The following MACROD2 variants were observed in gnomAD, a reference collection of about 807,000 sequenced individuals.
The protein encoded by MACROD2 is ADP-ribose glycohydrolase MACROD2.
A neutral mutation model predicts 70.4 loss-of-function variants in MACROD2; 36 were observed. That is an observed-to-expected ratio of 0.51 (90% CI 0.39 to 0.68). The LOEUF (loss-of-function observed/expected upper bound fraction) is 0.68. Ranked by LOEUF, MACROD2 falls within the 30% of genes least tolerant of loss-of-function variation. The pLI is 0.00. For missense variants in MACROD2, 496 were observed against 538.4 expected, an observed-to-expected ratio of 0.92 and a Z score of 0.78; for synonymous variants, 172 against 178.8, an observed-to-expected ratio of 0.96 and a Z score of 0.30.
At chr20:14,866,389 G>A (rs2073428068) in intron 5 of MACROD2, among the ~76,000 whole-genome samples, 1 of 152,114 alleles carries the variant, frequency 6.6e-6, no homozygotes, top group African/African-American at 2.4e-5. Context: ...TCAGTTGGCA[G>A]AGGGTCCAGC....
At chr20:14,156,408 A>G (rs561200375) in intron 3 of MACROD2, among the ~76,000 whole-genome samples, 2 of 152,316 alleles carry the variant, frequency 1.3e-5, no homozygotes, top group Admixed American at 6.5e-5. Flanking sequence ...GCTAGAATTC[A>G]TAACCCACTA....
chr20:14,314,489 G>A (rs6079390), intron 3 of MACROD2, among the ~76,000 whole-genome samples: 58,452 of 152,066 alleles, frequency 0.38, 12,650 homozygotes, highest in Non-Finnish European at 0.49. Flanking sequence ...GGCCGTGGGC[G>A]GTGGCTCACG....
At chr20:14,663,401 T>C (rs1414140489) in intron 4 of MACROD2, among the ~76,000 whole-genome samples, 1 of 151,780 alleles carries the variant, frequency 6.6e-6, no homozygotes, top group East Asian at 1.9e-4. Flanking sequence ...ATCTGGATGA[T>C]GAAATAATCT....
At chr20:14,496,999 C>A (rs1301249818) in intron 4 of MACROD2, among the ~76,000 whole-genome samples, 2 of 151,724 alleles carry the variant, frequency 1.3e-5, no homozygotes, top group Non-Finnish European at 2.9e-5. Flanking sequence ...GAGAAGACAG[C>A]GTTCTTGACT....
chr20:15,702,949 T>A (rs947317479), intron 8 of MACROD2, among the ~76,000 whole-genome samples: 2 of 152,054 alleles, frequency 1.3e-5, no homozygotes, highest in African/African-American at 4.8e-5. Context: ...ACACATAGAC[T>A]AATGGAACAG....
chr20:15,872,988 A>G (rs1011889941), intron 9 of MACROD2, among the ~76,000 whole-genome samples: 1 of 152,224 alleles, frequency 6.6e-6, no homozygotes, highest in Admixed American at 6.5e-5. Context: ...ACTCAAAACC[A>G]TACTATTGAA....
chr20:15,491,542 G>A (rs999087147), intron 7 of MACROD2, among the ~76,000 whole-genome samples: 1 of 152,350 alleles, frequency 6.6e-6, no homozygotes, highest in South Asian at 2.1e-4. Context: ...ATTATCATGG[G>A]ATTTGCCACT....
intron 5 of MACROD2, among the ~76,000 whole-genome samples, chr20:15,095,728 G>T (rs180782759): frequency 2.0e-5 from 3 of 149,632 alleles, no homozygotes; most frequent in Non-Finnish European, 4.5e-5. Context: ...CGTGTTAGCC[G>T]GGATGGTCTC....
intron 6 of MACROD2, among the ~76,000 whole-genome samples, chr20:15,325,609 C>T (rs548523513): frequency 2.0e-5 from 3 of 152,204 alleles, no homozygotes; most frequent in African/African-American, 7.2e-5. Context: ...ACAGCAGTGC[C>T]CCAGGAGAGA....
chr20:15,999,854 T>C (rs1372203385), intron 15 of MACROD2, among the ~76,000 whole-genome samples: 4 of 152,154 alleles, frequency 2.6e-5, no homozygotes, highest in Non-Finnish European at 5.9e-5. Context: ...ATTATTAAAG[T>C]AGAAGTGATA....
intron 6 of MACROD2, among the ~76,000 whole-genome samples, chr20:15,367,857 A>T (rs576452988): frequency 1.3e-5 from 2 of 152,218 alleles, no homozygotes; most frequent in South Asian, 4.1e-4. Flanking sequence ...TTTTTGTCAT[A>T]ATTGCAATGA....
intron 3 of MACROD2, among the ~76,000 whole-genome samples, chr20:14,433,219 T>C (rs1200945907): frequency 6.6e-6 from 1 of 152,052 alleles, no homozygotes; most frequent in African/African-American, 2.4e-5. Context: ...GCATAATAAA[T>C]AGTAGTAAAA....
At chr20:14,668,631 A>G (rs927501411) in intron 4 of MACROD2, among the ~76,000 whole-genome samples, 3 of 152,210 alleles carry the variant, frequency 2.0e-5, no homozygotes, top group African/African-American at 7.2e-5. Context: ...TCAACCTATT[A>G]ATTTAGAAAT....
intron 5 of MACROD2, among the ~76,000 whole-genome samples, chr20:15,023,624 AC>A (rs1490494083): frequency 6.6e-6 from 1 of 152,206 alleles, no homozygotes. Flanking sequence ...GGCATGTCTT[AC>A]ATGGCGGCAG....
At chr20:14,937,768 C>G (rs997694622) in intron 5 of MACROD2, among the ~76,000 whole-genome samples, 1 of 152,002 alleles carries the variant, frequency 6.6e-6, no homozygotes, top group Non-Finnish European at 1.5e-5. Flanking sequence ...ATCTATGAAA[C>G]ACAAGGTCTT....
intron 5 of MACROD2, among the ~76,000 whole-genome samples, chr20:15,068,730 T>G (rs1251091788): frequency 6.6e-6 from 1 of 152,212 alleles, no homozygotes; most frequent in Non-Finnish European, 1.5e-5. Flanking sequence ...AGCAGAACTG[T>G]CAGCCAAATA....
chr20:14,842,024 G>A (rs1424199155), intron 5 of MACROD2, among the ~76,000 whole-genome samples: 2 of 151,750 alleles, frequency 1.3e-5, no homozygotes, highest in Non-Finnish European at 2.9e-5. Flanking sequence ...GAGGTTTTTT[G>A]TTTGTTTGTT....
chr20:14,821,545 A>G (rs552843874), intron 5 of MACROD2, among the ~76,000 whole-genome samples: 1 of 152,140 alleles, frequency 6.6e-6, no homozygotes, highest in Non-Finnish European at 1.5e-5. Context: ...AAGGCTGAGA[A>G]CACTCGCTCT....
In MACROD2 at chr20:15,106,429, G is replaced by A. The variant is rs781324886; in HGVS notation, c.419-123511G>A. 1.2e-4 allele frequency among the ~76,000 whole-genome samples: 19 copies of A among 152,080 alleles called. 1 individual carries two copies. In the Middle Eastern group the frequency reaches 0.017, roughly 136 times the overall value. ...TAGTGAATACCTATTCTGTATAAGA[G>A]GACAAGAGCAATATGAAATGATTGG... On this transcript the variant is annotated intron_variant, in intron 5 of 17. Coordinates refer to ENST00000684519, the MANE Select transcript of MACROD2 (RefSeq NM_001351661.2).
Sources: gnomAD v4.1 joint callset for allele counts (sites outside exome capture counted in the v4.1 genomes callset) on GRCh38, gnomAD v4.1.1 for gene constraint, MANE v1.5 for transcripts, NCBI Gene and HGNC (gene_info 2026-07-23, HGNC 2026-07-21) for gene names.